CELF4: variants seen among roughly 807,000 people sequenced by gnomAD.
The protein encoded by CELF4 is CUGBP Elav-like family member 4, also known as CUG-BP- and ETR-3-like factor 4.
CELF4 carries 18 observed loss-of-function variants against 59.9 expected under a neutral mutation model. That is an observed-to-expected ratio of 0.30 (90% CI 0.21 to 0.45). The LOEUF (loss-of-function observed/expected upper bound fraction) is 0.45. Among genes scored for constraint, CELF4 ranks in the 20% least tolerant of loss-of-function variants. The probability of loss-of-function intolerance (pLI) is 1.00; values close to 1 mark genes in which losing one functional copy is unlikely to be tolerated. For missense variants in CELF4, 456 were observed against 689.0 expected, an observed-to-expected ratio of 0.66 and a Z score of 3.79; for synonymous variants, 261 against 267.1, an observed-to-expected ratio of 0.98 and a Z score of 0.22.
intron 3 of CELF4, among the ~76,000 whole-genome samples, chr18:37,321,324 C>T (rs1569561916): frequency 6.6e-6 from 1 of 152,210 alleles, no homozygotes; most frequent in South Asian, 2.1e-4. Flanking sequence ...GTCTGACTGC[C>T]TGCCTCTATC....
chr18:37,286,943 T>C (rs574610714), intron 3 of CELF4, among the ~76,000 whole-genome samples: 104 of 152,140 alleles, frequency 6.8e-4, no homozygotes, highest in African/African-American at 2.4e-3. Flanking sequence ...CAGAAGAACG[T>C]TGTCTTATGT....
rs148971120 is a variant in CELF4, at chr18:37,433,084, G to C, written c.369+52441C>G. ...ACGCCTGTGGGAGGTGAGCAGTGAG[G>C]GAAAGTGTGGCTAGGATGTGCCCAT... On this transcript the variant is annotated intron_variant, in intron 2 of 12. Transcript: ENST00000420428. 4.9e-4 allele frequency among the ~76,000 whole-genome samples: 74 copies of C among 152,290 alleles called. No homozygotes were observed. In the East Asian group the frequency reaches 8.5e-3, roughly 17 times the overall value.
At chr18:37,539,866 T>G (rs1397927567) in intron 1 of CELF4, among the ~76,000 whole-genome samples, 1 of 152,246 alleles carries the variant, frequency 6.6e-6, no homozygotes, top group African/African-American at 2.4e-5. Flanking sequence ...TTGGTCATGC[T>G]GTCATGGGCT....
At chr18:37,327,288 T>C (rs992529891) in intron 2 of CELF4, among the ~76,000 whole-genome samples, 5 of 152,166 alleles carry the variant, frequency 3.3e-5, no homozygotes, top group African/African-American at 1.2e-4. Context: ...AAGGGGCCCC[T>C]CCCTGTCTGA....
At chr18:37,341,792 G>A (rs1361880842) in intron 2 of CELF4, among the ~76,000 whole-genome samples, 1 of 152,124 alleles carries the variant, frequency 6.6e-6, no homozygotes, top group South Asian at 2.1e-4. Flanking sequence ...GAGCTAGGAT[G>A]GTGAAGGTTT....
At chr18:37,258,665 G>A (rs2071911440) in intron 11 of CELF4, among the ~76,000 whole-genome samples, 2 of 152,172 alleles carry the variant, frequency 1.3e-5, no homozygotes. Context: ...GGAGAGAGGA[G>A]GCGAAGGGGT....
At chr18:37,427,521 G>A (rs1365447511) in intron 2 of CELF4, among the ~76,000 whole-genome samples, 3 of 152,090 alleles carry the variant, frequency 2.0e-5, no homozygotes, top group East Asian at 1.9e-4. Flanking sequence ...TGTCCTTTCC[G>A]TGGCCTCTGG....
At chr18:37,266,282 CA>C in intron 9 of CELF4, 1 of 588,314 alleles carries the variant, frequency 1.7e-6, no homozygotes, top group Admixed American at 3.0e-5. Context: ...AACTGCCCAG[CA>C]AGGGTGAAAC....
intron 3 of CELF4, among the ~76,000 whole-genome samples, chr18:37,289,751 TG>T (rs1305780224): frequency 6.6e-6 from 1 of 152,184 alleles, no homozygotes; most frequent in African/African-American, 2.4e-5. Context: ...AAGAAACTGG[TG>T]GAAGCTCCCC....
chr18:37,266,449 C>A (rs2077573366), intron 9 of CELF4, 84 bp downstream of exon 9: 1 of 1,337,730 alleles, frequency 7.5e-7, no homozygotes, highest in African/African-American at 1.5e-5. Flanking sequence ...GTGCTGGCCC[C>A]AGGCCTGAGG....
At chr18:37,445,748 C>G (rs2099746441) in intron 2 of CELF4, among the ~76,000 whole-genome samples, 1 of 152,058 alleles carries the variant, frequency 6.6e-6, no homozygotes, top group Non-Finnish European at 1.5e-5. Flanking sequence ...TTCCGTGTCT[C>G]CCATAGAGCT....
At chr18:37,375,995 A>G (rs1017408196) in intron 2 of CELF4, among the ~76,000 whole-genome samples, 4 of 152,126 alleles carry the variant, frequency 2.6e-5, no homozygotes, top group Admixed American at 2.6e-4. Flanking sequence ...TATCCTAACG[A>G]TGTGACCCGG....
At chr18:37,480,282 C>A (rs918976685) in intron 2 of CELF4, among the ~76,000 whole-genome samples, 1 of 152,054 alleles carries the variant, frequency 6.6e-6, no homozygotes, top group African/African-American at 2.4e-5. Flanking sequence ...CTGATGGGAC[C>A]CAGACTCACT....
intron 1 of CELF4, among the ~76,000 whole-genome samples, chr18:37,513,061 A>G (rs2099946367): frequency 6.6e-6 from 1 of 152,170 alleles, no homozygotes; most frequent in Non-Finnish European, 1.5e-5. Flanking sequence ...AAAGTGAGAA[A>G]AGTGCCTTCT....
chr18:37,513,146 GGT>G (rs2099946466), intron 1 of CELF4, among the ~76,000 whole-genome samples: 1 of 152,210 alleles, frequency 6.6e-6, no homozygotes, highest in East Asian at 1.9e-4. Flanking sequence ...AGTCATGTGT[GGT>G]GCTGCTGCGG....
chr18:37,380,416 G>A (rs965013113), intron 2 of CELF4, among the ~76,000 whole-genome samples: 10 of 152,044 alleles, frequency 6.6e-5, no homozygotes, highest in Non-Finnish European at 1.2e-4. Context: ...GCCCACTCAC[G>A]TCCTTCTCTG....
At chr18:37,490,321 T>G (rs958518727) in intron 1 of CELF4, among the ~76,000 whole-genome samples, 3 of 152,204 alleles carry the variant, frequency 2.0e-5, no homozygotes, top group East Asian at 1.9e-4. Flanking sequence ...TTTTTTGTTT[T>G]GTTTGACACA....
intron 2 of CELF4, among the ~76,000 whole-genome samples, chr18:37,411,782 C>T (rs1382442059): frequency 6.6e-6 from 1 of 152,182 alleles, no homozygotes; most frequent in African/African-American, 2.4e-5. Context: ...AGGCGGGCTG[C>T]ATGGGGAAGT....
intron 2 of CELF4, among the ~76,000 whole-genome samples, chr18:37,465,062 A>T (rs1010729940): frequency 1.3e-5 from 2 of 152,132 alleles, no homozygotes; most frequent in Admixed American, 6.5e-5. Context: ...CCTATCAATT[A>T]AAGAGGGCAA....
Sources: allele counts gnomAD v4.1 joint callset (sites outside exome capture counted in the v4.1 genomes callset), GRCh38; gene constraint gnomAD v4.1.1; transcripts MANE v1.5; gene names NCBI Gene and HGNC (gene_info 2026-07-23, HGNC 2026-07-21).